Variants in TTC27 observed in about 807,000 individuals in gnomAD.
TTC27 encodes the protein tetratricopeptide repeat protein 27.
Under a neutral mutation model 115.9 loss-of-function variants are expected in TTC27, and 79 were observed. That is an observed-to-expected ratio of 0.68 (90% confidence interval 0.57 to 0.82). The LOEUF (loss-of-function observed/expected upper bound fraction) is 0.82. Among genes scored for constraint, TTC27 ranks in the 40% least tolerant of loss-of-function variants. The pLI is 0.00. For synonymous variants in TTC27, 401 were observed against 356.0 expected, an observed-to-expected ratio of 1.13 and a Z score of -1.42; for missense variants, 1,054 against 993.1, an observed-to-expected ratio of 1.06 and a Z score of -0.82.
At chr2:32,818,119 A>G (rs1671567614) in intron 19 of TTC27, among the ~76,000 whole-genome samples, 1 of 152,108 alleles carries the variant, frequency 6.6e-6, no homozygotes, top group African/African-American at 2.4e-5. Context: ...CTTTCCTTAA[A>G]TTAAAATAAA....
chr2:32,684,627 T>C (rs551630029), intron 9 of TTC27, among the ~76,000 whole-genome samples: 52 of 152,290 alleles, frequency 3.4e-4, no homozygotes, highest in African/African-American at 1.2e-3. Context: ...TAAATACTTA[T>C]CTATGATCAT....
intron 13 of TTC27, among the ~76,000 whole-genome samples, chr2:32,761,639 A>G (rs1173626892): frequency 6.6e-6 from 1 of 151,968 alleles, no homozygotes; most frequent in Non-Finnish European, 1.5e-5. Flanking sequence ...CTCTGCCTGG[A>G]ATGTCCTTCT....
intron 14 of TTC27, among the ~76,000 whole-genome samples, chr2:32,778,301 G>T (rs1572604980): frequency 6.6e-6 from 1 of 151,994 alleles, no homozygotes; most frequent in Admixed American, 6.5e-5. Context: ...GTTATTTTAG[G>T]GTGGAGTCTT....
At chr2:32,708,836 T>A (rs1000243353) in intron 10 of TTC27, among the ~76,000 whole-genome samples, 3 of 152,184 alleles carry the variant, frequency 2.0e-5, no homozygotes, top group Admixed American at 6.5e-5. Context: ...AACCCATGAC[T>A]CTATCTGCTC....
Position 32,722,156 on chromosome 2 carries a change from A to G in TTC27, c.1234-11672A>G, listed in dbSNP as rs185037405. ...TTACTACCTGGGAAACCTGAACAAC[A>G]TTGAGATAATTACAGTGCCTCATGT... On this transcript the variant is annotated intron_variant, in intron 10 of 19. Transcript: ENST00000317907. 9.2e-5 allele frequency among the ~76,000 whole-genome samples: 14 copies of G among 152,352 alleles called. No individual in the cohort carries two copies. The East Asian group carries it at 2.3e-3, about 25-fold the overall frequency.
chr2:32,718,140 A>G (rs1455437581), intron 10 of TTC27, among the ~76,000 whole-genome samples: 2 of 152,186 alleles, frequency 1.3e-5, no homozygotes, highest in Non-Finnish European at 2.9e-5. Context: ...TCTATAGATG[A>G]AACAATTTAA....
intron 12 of TTC27, among the ~76,000 whole-genome samples, chr2:32,749,765 C>T (rs1668947739): frequency 6.6e-6 from 1 of 152,060 alleles, no homozygotes; most frequent in South Asian, 2.1e-4. Flanking sequence ...ATTTCTTTCT[C>T]TCAAAAATGG....
intron 4 of TTC27, among the ~76,000 whole-genome samples, chr2:32,646,375 C>A (rs1163658375): frequency 6.6e-6 from 1 of 151,792 alleles, no homozygotes; most frequent in Admixed American, 6.6e-5. Flanking sequence ...CACTGCATTG[C>A]CCAGGCTTGT....
chr2:32,736,143 T>C (rs1483067375), intron 11 of TTC27, among the ~76,000 whole-genome samples: 1 of 152,196 alleles, frequency 6.6e-6, no homozygotes, highest in Non-Finnish European at 1.5e-5. Flanking sequence ...TAACTTTCAC[T>C]GACCTTAACT....
At chr2:32,674,738 C>G (rs1299373996) in intron 8 of TTC27, among the ~76,000 whole-genome samples, 1 of 151,394 alleles carries the variant, frequency 6.6e-6, no homozygotes, top group Non-Finnish European at 1.5e-5. Context: ...CGGCTCACTG[C>G]AAGCTCCACC....
chr2:32,803,708 C>T (rs1451807143), intron 16 of TTC27, among the ~76,000 whole-genome samples: 1 of 151,766 alleles, frequency 6.6e-6, no homozygotes, highest in Non-Finnish European at 1.5e-5. Context: ...GAGCTCAGTA[C>T]AAAATAAGAA....
At position 32,733,941 on chromosome 2, in the gene TTC27, C is replaced by G. The variant is rs1668375347; in HGVS notation, c.1329+18C>G. On this transcript the variant is annotated intron_variant, in intron 11 of 19. Transcript: ENST00000317907. ...CCATTCAGGTATTTCTGTTGTTTGT[C>G]ATTGGGTATGGAAATTACTTGGCAT... is the stretch of plus-strand genomic sequence containing the variant. The G allele has an allele frequency of 6.4e-7, 1 of 1,561,700 alleles. No homozygotes were observed. Among genetic ancestry groups the G allele is most frequent in the Non-Finnish European group, 8.8e-7 (1 of 1,138,566 alleles).
chr2:32,649,081 T>C (rs1018130276), intron 4 of TTC27, among the ~76,000 whole-genome samples: 3 of 152,080 alleles, frequency 2.0e-5, no homozygotes, highest in Non-Finnish European at 4.4e-5. Context: ...AATAGAGTTA[T>C]AAACTTGAAA....
chr2:32,807,448 G>A (rs1671168738), intron 16 of TTC27, among the ~76,000 whole-genome samples: 1 of 152,020 alleles, frequency 6.6e-6, no homozygotes, highest in African/African-American at 2.4e-5. Flanking sequence ...ACAAAATGAG[G>A]CATTATTTGT....
chr2:32,810,113 T>TAAAA (rs1671268270), intron 16 of TTC27, among the ~76,000 whole-genome samples: 1 of 54,526 alleles, frequency 1.8e-5, no homozygotes. Context: ...AGACTCTGTC[T>TAAAA]CAAAAAAAAA....
intron 10 of TTC27, among the ~76,000 whole-genome samples, chr2:32,713,510 C>A (rs1470621186): frequency 1.3e-5 from 2 of 152,038 alleles, no homozygotes. Flanking sequence ...ACTTGGTTAC[C>A]TCTTACACCT....
At chr2:32,684,867 A>G (rs1031120280) in intron 9 of TTC27, among the ~76,000 whole-genome samples, 3 of 151,482 alleles carry the variant, frequency 2.0e-5, no homozygotes, top group Admixed American at 1.3e-4. Flanking sequence ...GTACTTACAC[A>G]TGTCATAGTC....
At chr2:32,739,445 T>C (rs888546775) in intron 12 of TTC27, among the ~76,000 whole-genome samples, 1 of 152,150 alleles carries the variant, frequency 6.6e-6, no homozygotes, top group African/African-American at 2.4e-5. Context: ...GAGAAGGGAT[T>C]TGACTGTCCC....
intron 8 of TTC27, among the ~76,000 whole-genome samples, chr2:32,677,861 T>C (rs1266161622): frequency 3.3e-5 from 5 of 152,392 alleles, no homozygotes; most frequent in African/African-American, 1.2e-4. Context: ...AAAAACATTT[T>C]TATTTTTTTG....
Sources: gnomAD v4.1 joint callset for allele counts (sites outside exome capture counted in the v4.1 genomes callset) on GRCh38, gnomAD v4.1.1 for gene constraint, MANE v1.5 for transcripts, NCBI Gene and HGNC (gene_info 2026-07-23, HGNC 2026-07-21) for gene names.